Variants in SLC5A4 observed in about 807,000 individuals in gnomAD.
The protein encoded by SLC5A4 is solute carrier family 5 member 4, also known as probable glucose sensor protein SLC5A4.
Under a neutral mutation model 70.3 loss-of-function variants are expected in SLC5A4, and 55 were observed. The ratio of observed to expected loss-of-function variants is 0.78; its 90% CI spans 0.63 to 0.98. The LOEUF (loss-of-function observed/expected upper bound fraction) is 0.98, where lower values mean the gene tolerates loss of function less well. Among genes scored for constraint, SLC5A4 ranks in the 50% least tolerant of loss-of-function variants. The probability of loss-of-function intolerance (pLI) is 0.00; values close to 1 mark genes in which losing one functional copy is unlikely to be tolerated. For synonymous variants in SLC5A4, 268 were observed against 305.7 expected (o/e 0.88, Z 1.29); for missense variants, 735 against 839.2 (o/e 0.88, Z 1.53).
the SLC5A4 span, among the ~76,000 whole-genome samples, chr22:32,307,025 T>C: frequency 6.6e-6 from 1 of 152,132 alleles, no homozygotes; most frequent in South Asian, 2.1e-4. Context: ...CCTGCATATT[T>C]GGGAGGCTGG....
At chr22:32,311,813 G>A in the SLC5A4 span, among the ~76,000 whole-genome samples, 13 of 152,294 alleles carry the variant, frequency 8.5e-5, no homozygotes, top group South Asian at 2.1e-4. Context: ...AACTCAGGGC[G>A]ACAGCCTGTG....
intron 9 of SLC5A4, among the ~76,000 whole-genome samples, chr22:32,232,368 T>A (rs575483061): frequency 3.9e-5 from 6 of 152,316 alleles, no homozygotes; most frequent in Non-Finnish European, 7.3e-5. Context: ...TCCTTCACTT[T>A]TCGTAATAAA....
the SLC5A4 span, among the ~76,000 whole-genome samples, chr22:32,317,419 G>A: frequency 6.6e-6 from 1 of 152,112 alleles, no homozygotes; most frequent in African/African-American, 2.4e-5. Flanking sequence ...AACAGCAGAA[G>A]AAAGGAACTC....
chr22:32,220,032 AACACACACAC>A (rs3069413), intron 14 of SLC5A4, among the ~76,000 whole-genome samples: 4 of 149,680 alleles, frequency 2.7e-5, no homozygotes, highest in Non-Finnish European at 3.0e-5. Flanking sequence ...TAAGATGTGC[AACACACACAC>A]ACACACACAC....
At chr22:32,292,040 T>G in the SLC5A4 span, among the ~76,000 whole-genome samples, 1 of 141,804 alleles carries the variant, frequency 7.1e-6, no homozygotes, top group African/African-American at 2.6e-5. Context: ...GCCCGGCTAT[T>G]TTTTTATATT....
At chr22:32,299,175 G>T in the SLC5A4 span, among the ~76,000 whole-genome samples, 1 of 81,654 alleles carries the variant, frequency 1.2e-5, no homozygotes. Flanking sequence ...GGCGTTCTCT[G>T]TATTTCCTGA....
At chr22:32,283,629 T>C in the SLC5A4 span, among the ~76,000 whole-genome samples, 3 of 152,302 alleles carry the variant, frequency 2.0e-5, no homozygotes, top group Non-Finnish European at 2.9e-5. Context: ...CACCATTACA[T>C]AGTATTTTGT....
At chr22:32,251,511 C>T (rs1201815326) in intron 3 of SLC5A4, among the ~76,000 whole-genome samples, 1 of 133,458 alleles carries the variant, frequency 7.5e-6, no homozygotes, top group Admixed American at 7.4e-5. Context: ...TCCTCCATCC[C>T]TCTCTCTCTC....
the SLC5A4 span, among the ~76,000 whole-genome samples, chr22:32,319,921 T>A: frequency 6.6e-6 from 1 of 152,022 alleles, no homozygotes; most frequent in East Asian, 1.9e-4. Context: ...AGCACTCAAT[T>A]AAGATGAACT....
intron 5 of SLC5A4, among the ~76,000 whole-genome samples, chr22:32,239,572 A>ATATT (rs1926361090): frequency 4.1e-5 from 1 of 24,120 alleles, no homozygotes; most frequent in Non-Finnish European, 7.5e-5. Context: ...ATATATATTT[A>ATATT]TATATATATT....
At chr22:32,272,408 C>A in the SLC5A4 span, 4 of 903,396 alleles carry the variant, frequency 4.4e-6, no homozygotes, top group Non-Finnish European at 5.4e-6. Flanking sequence ...ACGGGCATGG[C>A]CTTCATGGTC....
At chr22:32,310,657 G>A in the SLC5A4 span, among the ~76,000 whole-genome samples, 1 of 152,208 alleles carries the variant, frequency 6.6e-6, no homozygotes, top group African/African-American at 2.4e-5. Flanking sequence ...GAGACAGCTG[G>A]ACCCAAAGAC....
At chr22:32,263,849 C>T in the SLC5A4 span, among the ~76,000 whole-genome samples, 2 of 152,140 alleles carry the variant, frequency 1.3e-5, no homozygotes, top group Admixed American at 1.3e-4. Context: ...CACATACACA[C>T]CATGGAATAC....
chr22:32,354,555 C>G, the SLC5A4 span, among the ~76,000 whole-genome samples: 7 of 152,118 alleles, frequency 4.6e-5, no homozygotes, highest in African/African-American at 7.2e-5. Flanking sequence ...TCTTCCAACT[C>G]GCCCGCCGGC....
rs865800415 is a variant in SLC5A4, at chr22:32,237,201, T to G, written c.664+43A>C. 1.8e-5 allele frequency: 26 copies of G among 1,405,452 alleles called. No homozygotes were observed. The Middle Eastern group carries it at 4.6e-3, about 251-fold the overall frequency. The allele number at this position is 1,405,452 out of a possible 1,614,324, so 87.1% of individuals were successfully genotyped here. A position where few individuals can be genotyped will look rare whatever the true frequency, so the allele number is the denominator to read the frequency against. On this transcript the variant is annotated intron_variant, in intron 7 of 14. Coordinates refer to ENST00000266086, the MANE Select transcript of SLC5A4 (RefSeq NM_014227.3). Reference sequence around the variant, plus strand: ...ACAGACCGAACAGAAACAAGTCCCGTGATTTCCAGGCCCTGGGCACTGCAC... The same window carrying G: ...ACAGACCGAACAGAAACAAGTCCCGGGATTTCCAGGCCCTGGGCACTGCAC...
Position 32,218,585 on chromosome 22 carries a change from T to C in SLC5A4, c.1909A>G (p.Arg637Gly). ...LTDTSERPSWRTIVNINAILL... is the reference protein window; with the variant it reads ...LTDTSERPSWGTIVNINAILL... ...ATGGCGTTGATGTTCACTATTGTCC[T>C]CCACGAGGGCCTCTCAGACGTGTCT... Residue 637 changes from arginine to glycine, a missense_variant, in exon 15 of 15, where the codon AGG becomes GGG. By Grantham distance (125) the Arg-to-Gly change is moderately radical. Transcript: ENST00000266086. The C allele has an allele frequency of 1.2e-6, 2 of 1,614,054 alleles. No individual in the cohort carries two copies. Among genetic ancestry groups the C allele is most frequent in the South Asian group, 1.1e-5 (1 of 91,072 alleles).
the SLC5A4 span, among the ~76,000 whole-genome samples, chr22:32,329,260 G>A: frequency 1.3e-5 from 2 of 152,134 alleles, no homozygotes; most frequent in African/African-American, 2.4e-5. Context: ...GCCTTAGCTC[G>A]AAGTCACCAT....
chr22:32,245,679 C>G (rs1168627250), intron 5 of SLC5A4, among the ~76,000 whole-genome samples: 1 of 152,122 alleles, frequency 6.6e-6, no homozygotes, highest in African/African-American at 2.4e-5. Flanking sequence ...TGCCACAATG[C>G]CCAGCTAATT....
At chr22:32,286,818 T>C in the SLC5A4 span, among the ~76,000 whole-genome samples, 2,096 of 152,286 alleles carry the variant, frequency 0.014, 51 homozygotes, top group African/African-American at 0.048. Context: ...TGAGCAGCAA[T>C]AAAGGAAATA....
Sources: allele counts gnomAD v4.1 joint callset (sites outside exome capture counted in the v4.1 genomes callset), GRCh38; gene constraint gnomAD v4.1.1; transcripts MANE v1.5; gene names NCBI Gene and HGNC (gene_info 2026-07-23, HGNC 2026-07-21).